Variants in PIBF1 observed in about 807,000 individuals in gnomAD.
The protein encoded by PIBF1 is progesterone immunomodulatory binding factor 1.
PIBF1 carries 90 observed loss-of-function variants against 112.5 expected under a neutral mutation model. That is an observed-to-expected ratio of 0.80 (90% CI 0.67 to 0.95). The LOEUF is 0.95. PIBF1 is among the 40% of genes least tolerant of loss of function. The pLI, the probability that PIBF1 is intolerant of heterozygous loss-of-function variation, is 0.00. For synonymous variants in PIBF1, 301 were observed against 288.6 expected (o/e 1.04, Z -0.44); for missense variants, 915 against 852.3 (o/e 1.07, Z -0.92).
intron 14 of PIBF1, 79 bp downstream of exon 14, chr13:72,931,346 A>C: frequency 1.1e-6 from 1 of 936,182 alleles, no homozygotes; most frequent in South Asian, 1.5e-5. Flanking sequence ...TTTTCTAAGC[A>C]GTTTTAAAAT....
At position 72,861,984 on chromosome 13, in the gene PIBF1, G is replaced by T. The variant is rs1432220116; in HGVS notation, c.1322+7829G>T. Among the ~76,000 whole-genome samples, 8 of 152,230 alleles carry T rather than the reference G, an allele frequency of 5.3e-5. No individual in the cohort carries two copies. In the East Asian group the frequency reaches 1.4e-3, roughly 26 times the overall value. ...CCATGTTGGTAATTTGAGGCTGGAG[G>T]TTTCTAGAGCAGAAAAAAGAATAAA... On this transcript the variant is annotated intron_variant, in intron 10 of 17. Transcript: ENST00000326291.
intron 16 of PIBF1, among the ~76,000 whole-genome samples, chr13:72,979,708 G>A (rs2043108806): frequency 6.6e-6 from 1 of 152,176 alleles, no homozygotes; most frequent in Admixed American, 6.5e-5. Flanking sequence ...CAGATCACAA[G>A]ATCAGGAGAT....
intron 9 of PIBF1, among the ~76,000 whole-genome samples, chr13:72,844,728 T>TACACACACAC (rs1156334355): frequency 0.01 from 552 of 53,206 alleles, 58 homozygotes; most frequent in East Asian, 0.017. Context: ...TAATTTTATT[T>TACACACACAC]ACACACACAC....
intron 14 of PIBF1, among the ~76,000 whole-genome samples, chr13:72,957,648 C>T (rs2042484710): frequency 1.3e-5 from 2 of 151,910 alleles, no homozygotes; most frequent in Non-Finnish European, 2.9e-5. Context: ...CACCTGTTCT[C>T]CAAAAACTCT....
chr13:73,003,596 T>C (rs775609683), intron 17 of PIBF1, among the ~76,000 whole-genome samples: 12 of 152,076 alleles, frequency 7.9e-5, no homozygotes, highest in Non-Finnish European at 1.5e-4. Flanking sequence ...AAGCATTTAC[T>C]GACTATATGC....
At chr13:72,837,603 T>G (rs1327305212) in intron 9 of PIBF1, among the ~76,000 whole-genome samples, 1 of 152,156 alleles carries the variant, frequency 6.6e-6, no homozygotes, top group African/African-American at 2.4e-5. Flanking sequence ...ACTACAGAAA[T>G]GTCCTTGAGA....
At chr13:72,892,195 T>C (rs993953022) in intron 10 of PIBF1, among the ~76,000 whole-genome samples, 3 of 152,136 alleles carry the variant, frequency 2.0e-5, no homozygotes, top group Non-Finnish European at 4.4e-5. Flanking sequence ...AGTAAAAAAT[T>C]TATCAGTGTT....
At chr13:73,013,572 A>G (rs1336811356) in intron 17 of PIBF1, among the ~76,000 whole-genome samples, 1 of 151,796 alleles carries the variant, frequency 6.6e-6, no homozygotes, top group Non-Finnish European at 1.5e-5. Context: ...CCCCATCTCT[A>G]TAAAAAATAT....
At chr13:72,918,678 T>A (rs1214900578) in intron 13 of PIBF1, among the ~76,000 whole-genome samples, 1 of 147,260 alleles carries the variant, frequency 6.8e-6, no homozygotes, top group Non-Finnish European at 1.5e-5. Context: ...ACAGGAGAGA[T>A]CCACCATGCC....
chr13:72,943,940 G>T (rs2138826865), intron 14 of PIBF1, among the ~76,000 whole-genome samples: 1 of 152,266 alleles, frequency 6.6e-6, no homozygotes, highest in Middle Eastern at 3.4e-3. Context: ...AAATGAGAGA[G>T]GGTTCAATCT....
At chr13:72,895,581 A>T (rs1304537306) in intron 11 of PIBF1, among the ~76,000 whole-genome samples, 1 of 151,960 alleles carries the variant, frequency 6.6e-6, no homozygotes, top group Non-Finnish European at 1.5e-5. Context: ...ATAAATTTAA[A>T]CTTTTTTTTT....
At chr13:72,830,303 C>T (rs1030218243) in intron 8 of PIBF1, among the ~76,000 whole-genome samples, 6 of 152,110 alleles carry the variant, frequency 3.9e-5, no homozygotes, top group Admixed American at 3.3e-4. Flanking sequence ...CCAGAACTTC[C>T]AATACCATGT....
chr13:72,873,629 G>C (rs376715732), intron 10 of PIBF1, among the ~76,000 whole-genome samples: 2 of 152,138 alleles, frequency 1.3e-5, no homozygotes, highest in South Asian at 2.1e-4. Context: ...CTGACCTCAG[G>C]CACTCCACCC....
intron 13 of PIBF1, among the ~76,000 whole-genome samples, chr13:72,925,495 T>A (rs2041447918): frequency 6.6e-6 from 1 of 152,000 alleles, no homozygotes; most frequent in South Asian, 2.1e-4. Context: ...TTTCTTCCAT[T>A]CTGCAGATTG....
At chr13:72,811,242 T>G (rs1237544912) in intron 5 of PIBF1, among the ~76,000 whole-genome samples, 1 of 152,180 alleles carries the variant, frequency 6.6e-6, no homozygotes, top group Non-Finnish European at 1.5e-5. Context: ...TTTTAAGCTA[T>G]TTTTGTTAAC....
At chr13:72,896,993 G>C (rs1195181230) in intron 11 of PIBF1, among the ~76,000 whole-genome samples, 1 of 152,174 alleles carries the variant, frequency 6.6e-6, no homozygotes, top group Non-Finnish European at 1.5e-5. Context: ...TAGGCACATT[G>C]TCGTCAGGTT....
intron 14 of PIBF1, among the ~76,000 whole-genome samples, chr13:72,952,068 TC>T (rs2042314910): frequency 7.0e-6 from 1 of 143,176 alleles, no homozygotes; most frequent in South Asian, 2.2e-4. Flanking sequence ...GGAGTCTTGC[TC>T]TGTTGCCTCG....
intron 14 of PIBF1, among the ~76,000 whole-genome samples, chr13:72,958,259 A>G (rs550055105): frequency 3.5e-5 from 5 of 141,730 alleles, no homozygotes; most frequent in East Asian, 2.2e-4. Flanking sequence ...GCAGTGAACT[A>G]TGATTCCGCC....
intron 16 of PIBF1, among the ~76,000 whole-genome samples, chr13:72,988,008 G>A (rs1482968562): frequency 2.6e-5 from 4 of 151,014 alleles, no homozygotes; most frequent in Admixed American, 6.6e-5. Context: ...GACTACAGGC[G>A]CATGCCACCA....
Sources: allele counts gnomAD v4.1 joint callset (sites outside exome capture counted in the v4.1 genomes callset), GRCh38; gene constraint gnomAD v4.1.1; transcripts MANE v1.5; gene names NCBI Gene and HGNC (gene_info 2026-07-23, HGNC 2026-07-21).